RAB3GAP1: variants seen among roughly 807,000 people sequenced by gnomAD.
RAB3GAP1 encodes rab3 GTPase-activating protein catalytic subunit.
RAB3GAP1 carries 86 observed loss-of-function variants against 130.7 expected under a neutral mutation model. The ratio of observed to expected loss-of-function variants is 0.66; its 90% CI spans 0.55 to 0.79. RAB3GAP1 has a LOEUF of 0.79. Among genes scored for constraint, RAB3GAP1 ranks in the 30% least tolerant of loss-of-function variants. The pLI, the probability that RAB3GAP1 is intolerant of heterozygous loss-of-function variation, is 0.00. For synonymous variants in RAB3GAP1, 367 were observed against 401.7 expected (o/e 0.91, Z 1.03); for missense variants, 1,029 against 1,169.4 (o/e 0.88, Z 1.75).
intron 11 of RAB3GAP1, among the ~76,000 whole-genome samples, chr2:135,127,852 G>T (rs2104939109): frequency 6.6e-6 from 1 of 152,258 alleles, no homozygotes; most frequent in South Asian, 2.1e-4. Context: ...TTATGTCTGG[G>T]ATTCGTCCCC....
At chr2:135,164,535 C>T (rs894866339) in intron 22 of RAB3GAP1, 59 bp from the exon 23 acceptor site, 97 of 1,320,832 alleles carry the variant, frequency 7.3e-5, no homozygotes, top group Admixed American at 4.1e-4. Flanking sequence ...GGAGGATGGA[C>T]GCCCAGTGGC....
chr2:135,115,466 T>G, intron 7 of RAB3GAP1, 85 bp downstream of exon 7: 1 of 1,340,500 alleles, frequency 7.5e-7, no homozygotes, highest in South Asian at 1.3e-5. Context: ...TATAGAAACA[T>G]TTCTCTATAA....
intron 23 of RAB3GAP1, chr2:135,167,603 A>G: frequency 8.7e-7 from 1 of 1,149,660 alleles, no homozygotes; most frequent in Non-Finnish European, 1.3e-6. Context: ...ACTGTCTTTG[A>G]AATAATCCTG....
intron 3 of RAB3GAP1, among the ~76,000 whole-genome samples, chr2:135,067,073 A>AGCCCC (rs1416852998): frequency 3.3e-5 from 5 of 152,246 alleles, no homozygotes; most frequent in Admixed American, 6.5e-5. Context: ...AATTTTCTCA[A>AGCCCC]TTAGAAACTT....
At chr2:135,068,734 C>CA (rs1468058106) in intron 3 of RAB3GAP1, among the ~76,000 whole-genome samples, 1 of 152,176 alleles carries the variant, frequency 6.6e-6, no homozygotes, top group African/African-American at 2.4e-5. Context: ...GCCTCGGTGA[C>CA]AGAGTGAGAC....
intron 5 of RAB3GAP1, among the ~76,000 whole-genome samples, chr2:135,103,006 G>GAA (rs371708711): frequency 0.032 from 2,289 of 70,580 alleles, 66 homozygotes; most frequent in African/African-American, 0.056. Context: ...GACTCCGTCT[G>GAA]AAAAAAAAAA....
intron 5 of RAB3GAP1, among the ~76,000 whole-genome samples, chr2:135,107,010 G>A (rs1690647708): frequency 6.7e-6 from 1 of 148,468 alleles, no homozygotes; most frequent in Non-Finnish European, 1.5e-5. Flanking sequence ...GACTTCTCAT[G>A]TACTAGAGAA....
chr2:135,141,324 AAGCGATTCTCCTGCCTC>A (rs1168712331), intron 17 of RAB3GAP1, among the ~76,000 whole-genome samples: 1 of 151,164 alleles, frequency 6.6e-6, no homozygotes, highest in Admixed American at 6.6e-5. Flanking sequence ...TTCCGGGTTC[AAGCGATTCTCCTGCCTC>A]AGCCTCCCGA....
At chr2:135,141,983 T>C (rs1240805262) in intron 17 of RAB3GAP1, among the ~76,000 whole-genome samples, 2 of 152,262 alleles carry the variant, frequency 1.3e-5, no homozygotes, top group Non-Finnish European at 2.9e-5. Flanking sequence ...GTAAATCTTC[T>C]AACTTTGTTA....
intron 17 of RAB3GAP1, chr2:135,137,273 G>C: frequency 2.6e-6 from 1 of 388,542 alleles, no homozygotes; most frequent in South Asian, 2.0e-5. Context: ...AGGTATTGGC[G>C]TATTCCACAC....
At chr2:135,138,420 A>C (rs1354798415) in intron 17 of RAB3GAP1, among the ~76,000 whole-genome samples, 2 of 152,108 alleles carry the variant, frequency 1.3e-5, no homozygotes, top group Admixed American at 6.5e-5. Context: ...ACTGTTCTCC[A>C]GCCTGGGCAA....
chr2:135,111,945 A>G (rs1313145125), intron 5 of RAB3GAP1, among the ~76,000 whole-genome samples: 2 of 152,204 alleles, frequency 1.3e-5, no homozygotes, highest in Non-Finnish European at 2.9e-5. Context: ...TTACTCAACT[A>G]TTATATTCAT....
intron 3 of RAB3GAP1, among the ~76,000 whole-genome samples, chr2:135,060,255 G>GCTTTTT (rs1441325591): frequency 8.1e-6 from 1 of 123,638 alleles, no homozygotes; most frequent in Non-Finnish European, 1.6e-5. Context: ...TTAACTGCTT[G>GCTTTTT]ATTTTTTTTT....
At chr2:135,117,501 T>TCTG (rs1332089431) in intron 7 of RAB3GAP1, among the ~76,000 whole-genome samples, 1,772 of 122,890 alleles carry the variant, frequency 0.014, 30 homozygotes, top group Non-Finnish European at 0.018. Flanking sequence ...TTCTGCTTCT[T>TCTG]CTTCTTCTTC....
At chr2:135,082,947 C>T (rs1383748881) in intron 3 of RAB3GAP1, among the ~76,000 whole-genome samples, 1 of 152,144 alleles carries the variant, frequency 6.6e-6, no homozygotes, top group East Asian at 1.9e-4. Flanking sequence ...AAATGTCCTA[C>T]ACACATTATC....
chr2:135,053,621 G>A (rs16831301), intron 2 of RAB3GAP1, among the ~76,000 whole-genome samples: 9,071 of 152,202 alleles, frequency 0.06, 523 homozygotes, highest in African/African-American at 0.15. Flanking sequence ...GTCCTTGTTG[G>A]AATAATAGTT....
At chr2:135,080,540 G>T (rs910974448) in intron 3 of RAB3GAP1, among the ~76,000 whole-genome samples, 2 of 152,142 alleles carry the variant, frequency 1.3e-5, no homozygotes, top group African/African-American at 4.8e-5. Flanking sequence ...GATGCTAAAT[G>T]GTACTTGTTT....
chr2:135,156,509 C>A (rs1050099772), intron 19 of RAB3GAP1, among the ~76,000 whole-genome samples: 1 of 152,138 alleles, frequency 6.6e-6, no homozygotes, highest in African/African-American at 2.4e-5. Context: ...ATTTAGAAGT[C>A]TGTTTATATA....
intron 17 of RAB3GAP1, among the ~76,000 whole-genome samples, chr2:135,144,403 G>A (rs1330125258): frequency 1.3e-5 from 2 of 152,154 alleles, no homozygotes; most frequent in Non-Finnish European, 2.9e-5. Context: ...ATTGGTTTGC[G>A]AGTACGCAAA....
Sources: allele counts gnomAD v4.1 joint callset (sites outside exome capture counted in the v4.1 genomes callset), GRCh38; gene constraint gnomAD v4.1.1; transcripts MANE v1.5; gene names NCBI Gene and HGNC (gene_info 2026-07-23, HGNC 2026-07-21).